Variants in NCOR2 observed in about 807,000 individuals in gnomAD.
The protein encoded by NCOR2 is CTG repeat protein 26.
Under a neutral mutation model 262.9 loss-of-function variants are expected in NCOR2, and 81 were observed. The observed-to-expected ratio is 0.31, with a 90% CI of 0.26 to 0.37. The LOEUF is 0.37. Among genes scored for constraint, NCOR2 ranks in the 10% least tolerant of loss-of-function variants. The pLI is 1.00. For synonymous variants in NCOR2, 1,659 were observed against 1,559.3 expected, an observed-to-expected ratio of 1.06 and a Z score of -1.51; for missense variants, 3,385 against 3,621.4, an observed-to-expected ratio of 0.93 and a Z score of 1.68.
At chr12:124,540,335 G>C (rs1402744576), upstream of NCOR2, among the ~76,000 whole-genome samples, 9 of 147,112 alleles carry the variant, frequency 6.1e-5, no homozygotes, top group Non-Finnish European at 4.5e-5. Flanking sequence ...CCAGGCAGAA[G>C]GCACAGCCTG....
At chr12:124,484,392 G>A (rs546894176) in intron 2 of NCOR2, among the ~76,000 whole-genome samples, 1 of 152,306 alleles carries the variant, frequency 6.6e-6, no homozygotes, top group South Asian at 2.1e-4. Context: ...CCTCCGCAGT[G>A]TGCCTAGAGA....
rs7955415 is a variant in NCOR2, at chr12:124,391,652, C to A, written c.1877-5765G>T. ...GGATAACATCACACCTGGACTTGCA[C>A]CTCCCCACTCTTTTCTCTCCATCTA... On this transcript the variant is annotated intron_variant, in intron 16 of 46. Coordinates refer to ENST00000405201, the Ensembl canonical transcript of NCOR2. Among the ~76,000 whole-genome samples, 4 of 152,146 alleles carry A rather than the reference C, an allele frequency of 2.6e-5. No homozygotes were observed. In the South Asian group the frequency reaches 8.3e-4, roughly 32 times the overall value.
At chr12:124,345,685 T>C (rs1252185637) in intron 31 of NCOR2, among the ~76,000 whole-genome samples, 1 of 152,214 alleles carries the variant, frequency 6.6e-6, no homozygotes, top group Non-Finnish European at 1.5e-5. Flanking sequence ...CGGTGGATGC[T>C]TCCAAGGACT....
At chr12:124,358,042 A>ATG (rs568403647) in intron 22 of NCOR2, among the ~76,000 whole-genome samples, 2 of 105,006 alleles carry the variant, frequency 1.9e-5, no homozygotes, top group South Asian at 3.3e-4. Flanking sequence ...GAGTGCATGG[A>ATG]TGTGTGTGTG....
At chr12:124,537,774 G>A (rs2051159757), upstream of NCOR2, 1 of 151,966 alleles carries the variant, frequency 6.6e-6, no homozygotes, top group Non-Finnish European at 1.5e-5. Context: ...CAGGCCCCAA[G>A]GAGGGAGCCT....
intron 16 of NCOR2, among the ~76,000 whole-genome samples, chr12:124,392,509 A>AGTGTC: frequency 6.6e-6 from 1 of 152,050 alleles, no homozygotes; most frequent in East Asian, 1.9e-4. Context: ...ACACAGCTCG[A>AGTGTC]GTGTCGCCTC....
exon 27 of NCOR2, chr12:124,354,139 C>T (rs377739293): frequency 1.9e-6 from 3 of 1,610,380 alleles, no homozygotes; most frequent in African/African-American, 2.7e-5. Flanking sequence ...CGAGGGCACC[C>T]GTGTGCTGGG....
At chr12:124,490,022 A>T (rs2047995954) in intron 1 of NCOR2, among the ~76,000 whole-genome samples, 1 of 152,200 alleles carries the variant, frequency 6.6e-6, no homozygotes, top group African/African-American at 2.4e-5. Context: ...CAAAGGAAGA[A>T]TTCAGCACAT....
Position 124,483,883 on chromosome 12 carries a change from G to T in NCOR2, c.234-110C>A. 7.8e-7 allele frequency: 1 copy of T among 1,288,848 alleles called. No homozygotes were observed. The highest frequency in any genetic ancestry group is 1.0e-6 in the Non-Finnish European group (1 of 978,370). The allele number at this position is 1,288,848 out of a possible 1,614,324, so 79.8% of individuals were successfully genotyped here. ...ATCTACTGCGCGCCGTGCTCTGTATGATCCTGCCAGGAAGGTGCTCACAGG... is the reference window on the plus strand; with the variant it reads ...ATCTACTGCGCGCCGTGCTCTGTATTATCCTGCCAGGAAGGTGCTCACAGG... On this transcript the variant is annotated intron_variant, in intron 2 of 46. Transcript: ENST00000405201. The surrounding 1 kb of genome is among the most constrained non-coding windows in gnomAD (Gnocchi z 6.3).
chr12:124,402,274 A>G (rs996158612), intron 14 of NCOR2, 130 bp downstream of exon 16: 1 of 1,508,326 alleles, frequency 6.6e-7, no homozygotes, highest in East Asian at 2.3e-5. Context: ...AAACGAGCAG[A>G]AAGCCCTCCC....
Position 124,397,205 on chromosome 12 carries a change from C to G in NCOR2, c.1876+914G>C, listed in dbSNP as rs564444568. 1.2e-4 allele frequency among the ~76,000 whole-genome samples: 19 copies of G among 152,316 alleles called. No individual in the cohort carries two copies. The South Asian group carries it at 3.9e-3, about 32-fold the overall frequency. ...GGCCTCAGCAGTGCTGCCAGTGATG[C>G]GCCAGCTCCGACAGCCCCTGCCCCA... On this transcript the variant is annotated intron_variant, in intron 16 of 46. Transcript: ENST00000405201.
chr12:124,409,495 A>T (rs1298634959), intron 13 of NCOR2, among the ~76,000 whole-genome samples: 1 of 152,222 alleles, frequency 6.6e-6, no homozygotes, highest in Non-Finnish European at 1.5e-5. Context: ...CCTGCCCAGC[A>T]GTGGCCTCCT....
chr12:124,488,845 G>A (rs551492070), intron 1 of NCOR2, among the ~76,000 whole-genome samples: 9 of 152,296 alleles, frequency 5.9e-5, no homozygotes, highest in South Asian at 4.1e-4. Context: ...TAGTGCCCAC[G>A]GCAGCCAACC....
At chr12:124,380,492 G>T (rs1024716306) in intron 17 of NCOR2, among the ~76,000 whole-genome samples, 6 of 152,176 alleles carry the variant, frequency 3.9e-5, no homozygotes, top group African/African-American at 1.4e-4. Flanking sequence ...ACACGTCCTG[G>T]GCCCAGTCCC....
rs145153489 is a variant in NCOR2 at position 124,469,033 on chromosome 12, C to A, written c.592-2747G>T. ...TCATCCTCATCTGTCCATGTATGAA[C>A]CCCCTCCTCCTAACACAGTTGGAAA... On this transcript the variant is annotated intron_variant, in intron 4 of 46. Coordinates refer to ENST00000405201, the Ensembl canonical transcript of NCOR2. Among the ~76,000 whole-genome samples the A allele has an allele frequency of 2.2e-3, 321 of 148,584 alleles. 2 individuals are homozygous for A. The highest frequency in any genetic ancestry group is 7.0e-3 in the Middle Eastern group (2 of 284).
intron 13 of NCOR2, among the ~76,000 whole-genome samples, chr12:124,402,978 C>T (rs1160785420): frequency 1.3e-5 from 2 of 152,166 alleles, no homozygotes; most frequent in Non-Finnish European, 2.9e-5. Context: ...AGAATCCTCA[C>T]CATGCTTACA....
intron 1 of NCOR2, chr12:124,529,678 C>G (rs533512223): frequency 6.6e-6 from 1 of 152,262 alleles, no homozygotes; most frequent in African/African-American, 2.4e-5. Context: ...ATCCTTTAGA[C>G]TCCCACCAGC....
intron 1 of NCOR2, among the ~76,000 whole-genome samples, chr12:124,557,598 G>C (rs1411850841): frequency 6.6e-6 from 1 of 152,214 alleles, no homozygotes; most frequent in African/African-American, 2.4e-5. Flanking sequence ...TGAGGTTCCA[G>C]GAGGGACGTG....
chr12:124,517,062 C>G lies in NCOR2; in HGVS notation c.-118+18503G>C, dbSNP rs2049846865. 6.6e-6 allele frequency among the ~76,000 whole-genome samples: 1 copy of G among 152,098 alleles called. No homozygotes were observed. Among genetic ancestry groups the G allele is most frequent in the Non-Finnish European group, 1.5e-5 (1 of 68,016 alleles). On this transcript the variant is annotated intron_variant, in intron 1 of 46. Coordinates refer to the NCOR2 transcript ENST00000404621. The surrounding 1 kb of genome is among the most constrained non-coding windows in gnomAD (Gnocchi z 7.6). ...CCAGGCAGTCTGCCCCGCGTTCCCC[C>G]TAAAACTGCAGCTCCTTCTCCCGTC...
Sources: gnomAD v4.1 joint callset for allele counts (sites outside exome capture counted in the v4.1 genomes callset) on GRCh38, gnomAD v4.1.1 for gene constraint, Gnocchi (gnomAD v3.1) non-coding constraint, MANE v1.5 for transcripts, NCBI Gene and HGNC (gene_info 2026-07-23, HGNC 2026-07-21) for gene names.